PRDM11: variants seen among roughly 807,000 people sequenced by gnomAD.
PRDM11 encodes the protein PR domain-containing protein 11.
Under a neutral mutation model 97.8 loss-of-function variants are expected in PRDM11, and 20 were observed. The ratio of observed to expected loss-of-function variants is 0.20; its 90% CI spans 0.14 to 0.30. The LOEUF is 0.30. Ranked by LOEUF, PRDM11 falls within the 10% of genes least tolerant of loss-of-function variation. PRDM11 has a pLI of 1.00. For synonymous variants in PRDM11, 599 were observed against 637.7 expected, an observed-to-expected ratio of 0.94 and a Z score of 0.91; for missense variants, 1,139 against 1,555.2, an observed-to-expected ratio of 0.73 and a Z score of 4.50.
intron 1 of PRDM11, among the ~76,000 whole-genome samples, chr11:45,096,241 C>A (rs1428245062): frequency 6.6e-6 from 1 of 152,196 alleles, no homozygotes; most frequent in East Asian, 1.9e-4. Flanking sequence ...CAGCACCTGG[C>A]ACATAGTAAA....
At chr11:45,118,988 T>G (rs1041701112) in intron 1 of PRDM11, among the ~76,000 whole-genome samples, 3 of 152,228 alleles carry the variant, frequency 2.0e-5, no homozygotes, top group African/African-American at 7.2e-5. Context: ...GAAACTCCAC[T>G]GAGGGAGAGA....
In PRDM11 at chr11:45,234,156, C is replaced by T. The variant is rs1356553062; in HGVS notation, c.*5997C>T. 3 of 152,336 alleles carry T rather than the reference C, an allele frequency of 2.0e-5. No homozygotes were observed. Among genetic ancestry groups the T allele is most frequent in the Non-Finnish European group, 4.4e-5 (3 of 68,106 alleles). The allele number at this position is 152,336 out of a possible 1,614,324, so 9.4% of individuals were successfully genotyped here. A position where few individuals can be genotyped will look rare whatever the true frequency, so the allele number is the denominator to read the frequency against. ...TGCAAGCTGGCAGCATGACAGAGGG[C>T]TTGTGCAGCCCTGACGGGACCCAGA... On this transcript the variant is annotated 3_prime_UTR_variant, in exon 8 of 8. Coordinates refer to ENST00000683152, the MANE Select transcript of PRDM11 (RefSeq NM_001384648.1).
At chr11:45,122,355 G>A (rs888129070) in intron 1 of PRDM11, among the ~76,000 whole-genome samples, 1 of 151,450 alleles carries the variant, frequency 6.6e-6, no homozygotes, top group Non-Finnish European at 1.5e-5. Context: ...GGGTACATGT[G>A]CACAATGTGA....
At chr11:45,099,425 T>C (rs1277037624) in intron 1 of PRDM11, among the ~76,000 whole-genome samples, 1 of 128,540 alleles carries the variant, frequency 7.8e-6, no homozygotes, top group Non-Finnish European at 1.6e-5. Context: ...CACTCCAGCC[T>C]GGGTAACAGA....
chr11:45,218,514 C>A (rs561295314), intron 5 of PRDM11, among the ~76,000 whole-genome samples: 1 of 152,338 alleles, frequency 6.6e-6, no homozygotes, highest in East Asian at 1.9e-4. Flanking sequence ...TTGGGCTACA[C>A]CAATCAGACA....
Position 45,227,512 on chromosome 11 carries a change from A to G in PRDM11, c.2887A>G (p.Ile963Val). 1 of 1,533,854 alleles carries G rather than the reference A, an allele frequency of 6.5e-7. No individual in the cohort carries two copies. Among genetic ancestry groups the G allele is most frequent in the Non-Finnish European group, 8.7e-7 (1 of 1,146,718 alleles). Residue 963 changes from isoleucine (I) to valine (V), a missense_variant, in exon 8 of 8, where the codon ATC (isoleucine) becomes GTC (valine). By Grantham distance (29) the Ile-to-Val change is conservative. Transcript: ENST00000683152. The surrounding 1 kb of genome is among the most constrained non-coding windows in gnomAD (Gnocchi z 8.0). ...EAKFQSIREKICQKTQVILAQ... is the reference protein window; with the variant it reads ...EAKFQSIREKVCQKTQVILAQ... ...CAAGTTCCAGTCCATCAGGGAGAAG[A>G]TCTGCCAGAAGACCCAGGTCATCCT... is the stretch of plus-strand genomic sequence containing the variant.
chr11:45,215,979 A>G (rs1853944680), intron 5 of PRDM11: 1 of 152,714 alleles, frequency 6.5e-6, no homozygotes, highest in Non-Finnish European at 1.5e-5. Flanking sequence ...GTTAGAAACA[A>G]TAGTCATGTG....
intron 1 of PRDM11, among the ~76,000 whole-genome samples, chr11:45,176,825 C>G (rs548808507): frequency 4.6e-5 from 7 of 152,300 alleles, no homozygotes; most frequent in Admixed American, 4.6e-4. Context: ...AGCCCTTGCC[C>G]ACCTCTCACA....
chr11:45,095,491 CTG>C (rs1300050661), upstream of PRDM11, among the ~76,000 whole-genome samples: 3 of 152,210 alleles, frequency 2.0e-5, no homozygotes, highest in East Asian at 3.9e-4. Flanking sequence ...GCCTTTGTCA[CTG>C]TGGCACAGAT....
intron 5 of PRDM11, chr11:45,212,902 G>C: frequency 2.4e-6 from 1 of 419,704 alleles, no homozygotes. Context: ...CATCTCAGCG[G>C]GGGCCAGAAG....
chr11:45,148,122 C>G (rs529147185), intron 1 of PRDM11, among the ~76,000 whole-genome samples: 7 of 152,266 alleles, frequency 4.6e-5, no homozygotes, highest in African/African-American at 1.7e-4. Flanking sequence ...CGCCGACTCT[C>G]TGAAAGGTGG....
intron 5 of PRDM11, among the ~76,000 whole-genome samples, chr11:45,210,546 G>A (rs1000499679): frequency 6.6e-6 from 1 of 152,212 alleles, no homozygotes; most frequent in African/African-American, 2.4e-5. Flanking sequence ...CAGGCAGGAG[G>A]GGCCCCAGGG....
rs1157586403 is a variant in PRDM11 at position 45,234,573 on chromosome 11, C to T, written c.*6414C>T. ...CCACTGCAGTGGACTAGACCCACGG[C>T]CAGGGGATGGGCATCCCCAGGTAGC... is the stretch of plus-strand genomic sequence containing the variant. On this transcript the variant is annotated 3_prime_UTR_variant, in exon 8 of 8. Transcript: ENST00000683152. 6.6e-6 allele frequency: 1 copy of T among 152,348 alleles called. No individual in the cohort carries two copies. The highest frequency in any genetic ancestry group is 2.4e-5 in the African/African-American group (1 of 41,422). 9.4% of individuals were successfully genotyped at this position (152,348 alleles called of 1,614,324 possible).
rs139253567 is a variant in PRDM11, at chr11:45,182,895, A to G, written c.258A>G (p.Glu86=). The G allele has an allele frequency of 6.8e-5, 109 of 1,607,800 alleles. No homozygotes were observed. In the African/African-American group the frequency reaches 1.3e-3, roughly 19 times the overall value. Residue 86 remains glutamate, a synonymous_variant, in exon 4 of 8, where the codon GAA becomes GAG. Coordinates refer to ENST00000683152, the MANE Select transcript of PRDM11 (RefSeq NM_001384648.1). The stretch of plus-strand genomic sequence containing the variant: ...CCTGCCAGGAGTACTTCGTGGATGA[A>G]TGCCCAAACCATGGCCCCCCGGTGT... ...CESCQEYFVD[E]CPNHGPPVFV...
intron 1 of PRDM11, among the ~76,000 whole-genome samples, chr11:45,164,339 C>A (rs1010941462): frequency 7.9e-5 from 12 of 152,274 alleles, no homozygotes; most frequent in African/African-American, 2.7e-4. Context: ...GCTCTGCCAG[C>A]CCCTGGGAGG....
chr11:45,226,226 A>G lies in PRDM11; in HGVS notation c.1601A>G (p.Gln534Arg). Residue 534 changes from glutamine (Q) to arginine (R), a missense_variant, in exon 8 of 8, where the codon CAG becomes CGG. Coordinates refer to ENST00000683152, the MANE Select transcript of PRDM11 (RefSeq NM_001384648.1). ...GAGATGTGGTGCCACGTCTGCCGCCAGTACACGGTGCAGTCCTCACGCACC... is the reference window on the plus strand; with the variant it reads ...GAGATGTGGTGCCACGTCTGCCGCCGGTACACGGTGCAGTCCTCACGCACC... ...LNEMWCHVCRQYTVQSSRTSA... is the reference protein window; with the variant it reads ...LNEMWCHVCRRYTVQSSRTSA... 6.5e-7 allele frequency: 1 copy of G among 1,534,002 alleles called. No individual in the cohort carries two copies. Among genetic ancestry groups the G allele is most frequent in the Non-Finnish European group, 8.7e-7 (1 of 1,146,730 alleles).
intron 1 of PRDM11, among the ~76,000 whole-genome samples, chr11:45,151,125 C>T (rs1384244924): frequency 6.6e-6 from 1 of 152,170 alleles, no homozygotes; most frequent in African/African-American, 2.4e-5. Context: ...ACCTACCTAA[C>T]ATCGGGGTTT....
At chr11:45,225,922 T>G in intron 7 of PRDM11, 73 bp from the exon 8 acceptor site, 1 of 1,426,514 alleles carries the variant, frequency 7.0e-7, no homozygotes, top group Non-Finnish European at 9.2e-7. Flanking sequence ...CTTCCAGGAG[T>G]GTTTCCTGTG....
At chr11:45,215,576 CA>C (rs1853933887) in intron 5 of PRDM11, among the ~76,000 whole-genome samples, 1 of 152,200 alleles carries the variant, frequency 6.6e-6, no homozygotes, top group South Asian at 2.1e-4. Context: ...GAAGTCAGAG[CA>C]AAAGGGACAG....
Sources: gnomAD v4.1 joint callset for allele counts (sites outside exome capture counted in the v4.1 genomes callset) on GRCh38, gnomAD v4.1.1 for gene constraint, Gnocchi (gnomAD v3.1) non-coding constraint, MANE v1.5 for transcripts, NCBI Gene and HGNC (gene_info 2026-07-23, HGNC 2026-07-21) for gene names.